CTNNA2: variants seen among roughly 807,000 people sequenced by gnomAD.
CTNNA2 encodes catenin alpha-2.
A neutral mutation model predicts 101.0 loss-of-function variants in CTNNA2; 42 were observed. The ratio of observed to expected loss-of-function variants is 0.42; its 90% CI spans 0.32 to 0.54. CTNNA2 has a LOEUF of 0.54. Ranked by LOEUF, CTNNA2 falls within the 20% of genes least tolerant of loss-of-function variation. The probability of loss-of-function intolerance (pLI) is 0.14; values close to 1 mark genes in which losing one functional copy is unlikely to be tolerated. For missense variants in CTNNA2, 871 were observed against 1,223.1 expected, an observed-to-expected ratio of 0.71 and a Z score of 4.29; for synonymous variants, 450 against 456.4, an observed-to-expected ratio of 0.99 and a Z score of 0.18.
intron 4 of CTNNA2, among the ~76,000 whole-genome samples, chr2:79,450,301 G>A (rs948693502): frequency 4.6e-5 from 7 of 152,000 alleles, no homozygotes; most frequent in South Asian, 2.1e-4. Context: ...ATCATGCTAC[G>A]GTCCACTGGT....
chr2:79,516,806 A>T (rs1249497062), intron 1 of CTNNA2, among the ~76,000 whole-genome samples: 10 of 152,174 alleles, frequency 6.6e-5, no homozygotes, highest in Admixed American at 5.9e-4. Flanking sequence ...AACAATAAAG[A>T]TTTAATATTA....
chr2:79,306,001 G>A (rs1459561540), intron 2 of CTNNA2, among the ~76,000 whole-genome samples: 12 of 142,114 alleles, frequency 8.4e-5, no homozygotes, highest in Admixed American at 3.7e-4. Flanking sequence ...AGCTGAGATC[G>A]CACCACTGCA....
intron 2 of CTNNA2, among the ~76,000 whole-genome samples, chr2:79,655,614 A>C (rs1681555273): frequency 6.6e-6 from 1 of 152,160 alleles, no homozygotes; most frequent in African/African-American, 2.4e-5. Flanking sequence ...AGATCACTTG[A>C]AGTCAGGAGT....
chr2:80,446,770 A>G (rs886752881), intron 9 of CTNNA2, among the ~76,000 whole-genome samples: 2 of 152,220 alleles, frequency 1.3e-5, no homozygotes, highest in African/African-American at 4.8e-5. Context: ...ACAGACTCCT[A>G]TTAAGGAAAA....
chr2:79,878,073 G>A (rs935960837), intron 6 of CTNNA2, among the ~76,000 whole-genome samples: 1 of 152,082 alleles, frequency 6.6e-6, no homozygotes, highest in African/African-American at 2.4e-5. Flanking sequence ...GGTGTTTGGT[G>A]TTCTGTTCCT....
intron 7 of CTNNA2, among the ~76,000 whole-genome samples, chr2:79,922,890 A>G (rs1686769757): frequency 6.6e-6 from 1 of 152,136 alleles, no homozygotes; most frequent in Admixed American, 6.6e-5. Flanking sequence ...ATATTAATGA[A>G]TCTAGAGACA....
At chr2:79,913,720 A>C (rs572599836) in intron 7 of CTNNA2, among the ~76,000 whole-genome samples, 2 of 152,224 alleles carry the variant, frequency 1.3e-5, no homozygotes, top group Non-Finnish European at 2.9e-5. Flanking sequence ...ACTAGTAAGA[A>C]GAATGTGTCT....
At chr2:80,251,775 G>T (rs1558942290) in intron 7 of CTNNA2, among the ~76,000 whole-genome samples, 1 of 152,174 alleles carries the variant, frequency 6.6e-6, no homozygotes, top group Non-Finnish European at 1.5e-5. Context: ...AGTTACCTGA[G>T]AAGTACTACC....
chr2:79,563,494 C>G (rs2104149801), intron 1 of CTNNA2, among the ~76,000 whole-genome samples: 1 of 152,114 alleles, frequency 6.6e-6, no homozygotes, highest in Non-Finnish European at 1.5e-5. Flanking sequence ...AGATTGCGTC[C>G]CTTTCTCTCA....
intron 18 of CTNNA2, among the ~76,000 whole-genome samples, chr2:80,637,445 A>T (rs1672997126): frequency 6.6e-6 from 1 of 151,984 alleles, no homozygotes; most frequent in Non-Finnish European, 1.5e-5. Context: ...AGGAGAGATG[A>T]AAACATGCAT....
At chr2:80,192,404 C>T (rs1223994247) in intron 7 of CTNNA2, among the ~76,000 whole-genome samples, 1 of 152,158 alleles carries the variant, frequency 6.6e-6, no homozygotes, top group Non-Finnish European at 1.5e-5. Flanking sequence ...TGATTTAACT[C>T]CTTTCTGTTT....
At chr2:80,283,888 G>A (rs551412112) in intron 7 of CTNNA2, among the ~76,000 whole-genome samples, 1 of 152,220 alleles carries the variant, frequency 6.6e-6, no homozygotes, top group African/African-American at 2.4e-5. Context: ...TAGGAGGAGA[G>A]GGAGAAGGAG....
At chr2:79,825,650 A>G (rs889435011) in intron 3 of CTNNA2, among the ~76,000 whole-genome samples, 3 of 152,130 alleles carry the variant, frequency 2.0e-5, no homozygotes, top group Non-Finnish European at 4.4e-5. Flanking sequence ...TATACAAAAT[A>G]ATGGGAAATA....
intron 8 of CTNNA2, among the ~76,000 whole-genome samples, chr2:80,403,702 G>A (rs1049360752): frequency 2.6e-5 from 4 of 152,088 alleles, no homozygotes; most frequent in Non-Finnish European, 4.4e-5. Context: ...TCATACTAGA[G>A]TATGGAAAAT....
chr2:80,499,882 G>A (rs1330195107), intron 9 of CTNNA2, among the ~76,000 whole-genome samples: 1 of 151,638 alleles, frequency 6.6e-6, no homozygotes, highest in African/African-American at 2.4e-5. Context: ...GGCTACATGG[G>A]GATTCACTAT....
At chr2:79,446,642 G>A (rs891612768) in intron 4 of CTNNA2, among the ~76,000 whole-genome samples, 4 of 152,040 alleles carry the variant, frequency 2.6e-5, no homozygotes, top group Non-Finnish European at 5.9e-5. Flanking sequence ...CAACGCTTAT[G>A]TAATATAATG....
rs1676564495 is a variant in CTNNA2, at chr2:80,303,428, G to T, written c.1057-89783G>T. The stretch of plus-strand genomic sequence containing the variant: ...CAGGTTGGGCATGGGCCGGAAGGTG[G>T]TGTTGGGCAGTTGGGTGATCTGGTT... On this transcript the variant is annotated intron_variant, in intron 7 of 18. Coordinates refer to ENST00000402739, the MANE Select transcript of CTNNA2 (RefSeq NM_001282597.3). This position sits in a 1 kb window ranked among gnomAD's most constrained non-coding sequence, Gnocchi z 7.7. 2 of 1,614,108 alleles carry T rather than the reference G, an allele frequency of 1.2e-6. No homozygotes were observed. The highest frequency in any genetic ancestry group is 1.7e-6 in the Non-Finnish European group (2 of 1,180,046).
chr2:80,609,061 T>C (rs1188641251), intron 17 of CTNNA2, among the ~76,000 whole-genome samples: 1 of 151,774 alleles, frequency 6.6e-6, no homozygotes, highest in East Asian at 1.9e-4. Context: ...CCCCTTTCTC[T>C]CAACACAGGG....
intron 7 of CTNNA2, among the ~76,000 whole-genome samples, chr2:80,150,044 C>A (rs921227257): frequency 1.3e-5 from 2 of 152,080 alleles, no homozygotes; most frequent in African/African-American, 4.8e-5. Flanking sequence ...GCTCCAGAGG[C>A]CCTCTGCACA....
Sources: allele counts gnomAD v4.1 joint callset (sites outside exome capture counted in the v4.1 genomes callset), GRCh38; gene constraint gnomAD v4.1.1; non-coding constraint Gnocchi (gnomAD v3.1); transcripts MANE v1.5; gene names NCBI Gene and HGNC (gene_info 2026-07-23, HGNC 2026-07-21).